PICALM: variants seen among roughly 807,000 people sequenced by gnomAD.
PICALM encodes phosphatidylinositol-binding clathrin assembly protein.
PICALM carries 40 observed loss-of-function variants against 80.5 expected under a neutral mutation model. The observed-to-expected ratio is 0.50, with a 90% confidence interval of 0.39 to 0.65. The LOEUF (loss-of-function observed/expected upper bound fraction) is 0.65, where lower values mean the gene tolerates loss of function less well. PICALM is among the 30% of genes least tolerant of loss of function. The pLI is 0.00. For synonymous variants in PICALM, 288 were observed against 260.3 expected, an observed-to-expected ratio of 1.11 and a Z score of -1.02; for missense variants, 676 against 778.9, an observed-to-expected ratio of 0.87 and a Z score of 1.57.
intron 8 of PICALM, among the ~76,000 whole-genome samples, chr11:86,005,952 G>A (rs7948833): frequency 0.014 from 2,189 of 152,156 alleles, 55 homozygotes; most frequent in African/African-American, 0.05. Context: ...AAAGAGGAAC[G>A]GAGGTTAAAG....
intron 1 of PICALM, among the ~76,000 whole-genome samples, chr11:86,052,266 C>G (rs2096202253): frequency 6.6e-6 from 1 of 152,194 alleles, no homozygotes; most frequent in Admixed American, 6.5e-5. Context: ...GCTTCCCTTT[C>G]TGCCATAATT....
rs142741909 is a variant in PICALM at position 85,963,839 on chromosome 11, C to A, written c.1945-4779G>T. 3.1e-3 allele frequency among the ~76,000 whole-genome samples: 469 copies of A among 151,070 alleles called. 4 individuals are homozygous for A. Among genetic ancestry groups the A allele is most frequent in the South Asian group, 0.011 (51 of 4,782 alleles). On this transcript the variant is annotated intron_variant, in intron 19 of 19. Transcript: ENST00000393346. The stretch of plus-strand genomic sequence containing the variant: ...TGGCGCAGTCACGGGTCACTGCAGC[C>A]TCAATCTCCTGGGCTCAAGTGATCC...
intron 1 of PICALM, among the ~76,000 whole-genome samples, chr11:86,038,658 GTAA>G (rs2095887288): frequency 6.6e-6 from 1 of 151,336 alleles, no homozygotes; most frequent in Non-Finnish European, 1.5e-5. Context: ...GCAGGTGCCT[GTAA>G]TCCCAGCTAC....
chr11:86,050,204 CAAAAAAA>C (rs766728047), intron 1 of PICALM, among the ~76,000 whole-genome samples: 4 of 81,802 alleles, frequency 4.9e-5, no homozygotes, highest in African/African-American at 1.6e-4. Context: ...GACTCTGTCT[CAAAAAAA>C]AAAAAAAAAA....
At chr11:86,017,019 C>T (rs1308278733) in intron 4 of PICALM, among the ~76,000 whole-genome samples, 2 of 152,094 alleles carry the variant, frequency 1.3e-5, no homozygotes, top group Non-Finnish European at 2.9e-5. Flanking sequence ...GTCAGGATTT[C>T]GAGACCAGCC....
intron 1 of PICALM, among the ~76,000 whole-genome samples, chr11:86,068,300 G>T (rs1449842801): frequency 6.6e-6 from 1 of 152,214 alleles, no homozygotes; most frequent in African/African-American, 2.4e-5. Context: ...GGACGGGTGG[G>T]AAGGAAGAGC....
Position 85,959,006 on chromosome 11 carries a change from C to A in PICALM, c.*40G>T. ...GGAAGTAAGGATTTTGCTGCTTGAG[C>A]ACTTGTCTTTTTGGAGTAATTCCAT... On this transcript the variant is annotated 3_prime_UTR_variant, in exon 20 of 20. Transcript: ENST00000393346. The A allele has an allele frequency of 6.5e-7, 1 of 1,542,924 alleles. No individual in the cohort carries two copies. The highest frequency in any genetic ancestry group is 8.9e-7 in the Non-Finnish European group (1 of 1,126,600).
At chr11:85,984,324 G>A (rs952738968) in intron 13 of PICALM, among the ~76,000 whole-genome samples, 3 of 151,954 alleles carry the variant, frequency 2.0e-5, no homozygotes, top group African/African-American at 7.3e-5. Context: ...AACATTTAAG[G>A]GATCAGCTGA....
intron 1 of PICALM, among the ~76,000 whole-genome samples, chr11:86,061,720 A>C (rs2096368790): frequency 6.6e-6 from 1 of 152,220 alleles, no homozygotes; most frequent in Admixed American, 6.5e-5. Flanking sequence ...AGGTATTCTT[A>C]CCATATGATC....
rs577419674 is a variant in PICALM, at chr11:86,003,591, T to C, written c.808-140A>G. 42 of 424,498 alleles carry C rather than the reference T, an allele frequency of 9.9e-5. No individual in the cohort carries two copies. In the South Asian group the frequency reaches 3.3e-3, roughly 33 times the overall value. The allele number at this position is 424,498 out of a possible 1,614,324, so 26.3% of individuals were successfully genotyped here. A position where few individuals can be genotyped will look rare whatever the true frequency, so the allele number is the denominator to read the frequency against. On this transcript the variant is annotated intron_variant, in intron 8 of 19. Coordinates refer to ENST00000393346, the MANE Select transcript of PICALM (RefSeq NM_007166.4). ...AATTAACAGTGGAGTTTTAGCTACTTAATAAGAATGACAATCTTACTTTTG... is the reference window on the plus strand; with the variant it reads ...AATTAACAGTGGAGTTTTAGCTACTCAATAAGAATGACAATCTTACTTTTG...
At position 86,003,466 on chromosome 11, in the gene PICALM, A is replaced by G; in HGVS notation, c.808-15T>C. 2.0e-6 allele frequency: 3 copies of G among 1,500,148 alleles called. No individual in the cohort carries two copies. Among genetic ancestry groups the G allele is most frequent in the Non-Finnish European group, 2.7e-6 (3 of 1,097,634 alleles). The allele number at this position is 1,500,148 out of a possible 1,614,324, so 92.9% of individuals were successfully genotyped here. ...CTGCTAGGGGCCTGCAATTGTACAA[A>G]TATTAAGAATTTCATGATAATTAGG... is the stretch of plus-strand genomic sequence containing the variant. On this transcript the variant is annotated splice_polypyrimidine_tract_variant and intron_variant, in intron 8 of 19. Transcript: ENST00000393346.
Position 85,958,660 on chromosome 11 carries a change from G to A in PICALM, c.*386C>T, listed in dbSNP as rs1039809061. 8.1e-6 allele frequency: 2 copies of A among 245,920 alleles called. No individual in the cohort carries two copies. Among genetic ancestry groups the A allele is most frequent in the Non-Finnish European group, 1.6e-5 (2 of 127,504 alleles). 15.2% of individuals were successfully genotyped at this position (245,920 alleles called of 1,614,324 possible). ...AATTTTGATCCCCCAAAAGAGTCCT[G>A]TTGAAATACAGTAAAGGACACAGTT... On this transcript the variant is annotated 3_prime_UTR_variant, in exon 20 of 20. Transcript: ENST00000393346.
intron 19 of PICALM, among the ~76,000 whole-genome samples, chr11:85,961,546 A>C (rs1009118827): frequency 4.6e-5 from 7 of 152,226 alleles, no homozygotes; most frequent in Non-Finnish European, 8.8e-5. Flanking sequence ...TATTCTCCCA[A>C]ACACAGACTA....
At chr11:86,037,148 G>A (rs2095855932) in intron 1 of PICALM, among the ~76,000 whole-genome samples, 1 of 148,106 alleles carries the variant, frequency 6.8e-6, no homozygotes, top group East Asian at 2.0e-4. Flanking sequence ...GTTTCACCAT[G>A]TTGGCCAGGA....
chr11:85,991,192 C>T (rs2094764677), intron 12 of PICALM, among the ~76,000 whole-genome samples: 1 of 152,032 alleles, frequency 6.6e-6, no homozygotes, highest in South Asian at 2.1e-4. Flanking sequence ...TTTTTCCTTA[C>T]TTCTCAAGAT....
intron 19 of PICALM, chr11:85,960,784 G>T: frequency 8.0e-7 from 1 of 1,248,298 alleles, no homozygotes; most frequent in Non-Finnish European, 1.0e-6. Context: ...ACAGCTGGGG[G>T]AAAAGAAGAC....
chr11:86,049,437 A>G (rs1446574212), intron 1 of PICALM, among the ~76,000 whole-genome samples: 1 of 152,238 alleles, frequency 6.6e-6, no homozygotes, highest in Non-Finnish European at 1.5e-5. Flanking sequence ...GTATGTATCA[A>G]TAAATCTTCA....
intron 1 of PICALM, among the ~76,000 whole-genome samples, chr11:86,035,713 C>A (rs1396960970): frequency 6.6e-6 from 1 of 151,642 alleles, no homozygotes; most frequent in Non-Finnish European, 1.5e-5. Flanking sequence ...GAGGCCGAGG[C>A]GGGCGGACTA....
At chr11:86,050,205 A>C (rs1333127569) in intron 1 of PICALM, among the ~76,000 whole-genome samples, 1 of 39,814 alleles carries the variant, frequency 2.5e-5, no homozygotes, top group Non-Finnish European at 7.0e-5. Flanking sequence ...ACTCTGTCTC[A>C]AAAAAAAAAA....
Sources: gnomAD v4.1 joint callset for allele counts (sites outside exome capture counted in the v4.1 genomes callset) on GRCh38, gnomAD v4.1.1 for gene constraint, MANE v1.5 for transcripts, NCBI Gene and HGNC (gene_info 2026-07-23, HGNC 2026-07-21) for gene names.